SRPRA: variants seen among roughly 807,000 people sequenced by gnomAD.
SRPRA encodes the protein SRP receptor subunit alpha, also known as signal recognition particle receptor subunit alpha.
A neutral mutation model predicts 61.1 loss-of-function variants in SRPRA; 30 were observed. The ratio of observed to expected loss-of-function variants is 0.49; its 90% confidence interval spans 0.37 to 0.67. The LOEUF (loss-of-function observed/expected upper bound fraction) is 0.67. Ranked by LOEUF, SRPRA falls within the 30% of genes least tolerant of loss-of-function variation. SRPRA has a pLI of 0.00. For missense variants in SRPRA, 759 were observed against 828.4 expected, an observed-to-expected ratio of 0.92 and a Z score of 1.03; for synonymous variants, 324 against 299.7, an observed-to-expected ratio of 1.08 and a Z score of -0.84.
At chr11:126,262,470 G>A (rs1213852949), downstream of SRPRA, 4 of 342,070 alleles carry the variant, frequency 1.2e-5, no homozygotes, top group South Asian at 7.1e-5. Context: ...TGAAGGACTC[G>A]GGGTCTGGAT....
At chr11:126,237,905 G>T in the SRPRA span, among the ~76,000 whole-genome samples, 1 of 149,226 alleles carries the variant, frequency 6.7e-6, no homozygotes. Context: ...GGATATCATT[G>T]TTTTCTTTTA....
chr11:126,256,603 C>A, the SRPRA span: 4 of 1,613,864 alleles, frequency 2.5e-6, no homozygotes, highest in African/African-American at 1.3e-5. The surrounding 1 kb of genome is among the most constrained non-coding windows in gnomAD (Gnocchi z 6.6). Context: ...CAAGTCATTT[C>A]TTTTCCTGGG....
At chr11:126,256,310 C>G in the SRPRA span, among the ~76,000 whole-genome samples, 5 of 152,304 alleles carry the variant, frequency 3.3e-5, no homozygotes, top group East Asian at 9.6e-4. This position sits in a 1 kb window ranked among gnomAD's most constrained non-coding sequence, Gnocchi z 6.6. Flanking sequence ...AACTACTGCA[C>G]CAGTACACTG....
At chr11:126,246,173 T>C in the SRPRA span, among the ~76,000 whole-genome samples, 1 of 152,140 alleles carries the variant, frequency 6.6e-6, no homozygotes, top group Non-Finnish European at 1.5e-5. Context: ...ACATTAATAT[T>C]TTTTAGGTGA....
intron 6 of SRPRA, 24 bp downstream of exon 6, chr11:126,266,452 A>C: frequency 6.2e-7 from 1 of 1,607,828 alleles, no homozygotes; most frequent in East Asian, 2.2e-5. Context: ...GTTAAAGATC[A>C]CTTTGACCCC....
the SRPRA span, chr11:126,240,813 A>C: frequency 6.2e-7 from 1 of 1,606,202 alleles, no homozygotes; most frequent in Non-Finnish European, 8.5e-7. Flanking sequence ...CAAGCTTAAA[A>C]ACTAAGAAGC....
chr11:126,256,159 G>C, the SRPRA span, among the ~76,000 whole-genome samples: 1 of 152,138 alleles, frequency 6.6e-6, no homozygotes, highest in Non-Finnish European at 1.5e-5. This position sits in a 1 kb window ranked among gnomAD's most constrained non-coding sequence, Gnocchi z 6.6. Flanking sequence ...TAATATACTC[G>C]GGAGGCTGAG....
At chr11:126,258,954 C>G (rs891358194), downstream of SRPRA, among the ~76,000 whole-genome samples, 1 of 152,152 alleles carries the variant, frequency 6.6e-6, no homozygotes, top group East Asian at 1.9e-4. Context: ...GGCACAAATT[C>G]TTTTATTAGC....
the SRPRA span, chr11:126,240,693 T>C: frequency 7.0e-6 from 9 of 1,290,504 alleles, no homozygotes; most frequent in East Asian, 2.3e-5. Context: ...TTTGCAACTA[T>C]AAAAGTTAGC....
Position 126,267,631 on chromosome 11 carries a change from G to C in SRPRA, c.283C>G (p.Arg95Gly), listed in dbSNP as rs371309255. Residue 95 changes from arginine to glycine, a missense_variant, in exon 3 of 14, where the codon CGC becomes GGC. Arg to Gly is a moderately radical substitution (Grantham distance 125). Transcript: ENST00000332118. The surrounding 1 kb of genome is among the most constrained non-coding windows in gnomAD (Gnocchi z 4.2). ...DVHRLFRDKY[R>G]TEIQQQSALS... ...GCACTTTGCTGTTGGATCTCTGTGC[G>C]GTACTTGTCCCGAAACAGCCGATGC... is the stretch of plus-strand genomic sequence containing the variant. 6 of 1,614,134 alleles carry C rather than the reference G, an allele frequency of 3.7e-6. No homozygotes were observed. The highest frequency in any genetic ancestry group is 5.1e-6 in the Non-Finnish European group (6 of 1,180,048).
chr11:126,262,269 AAG>A, downstream of SRPRA: 1 of 857,846 alleles, frequency 1.2e-6, no homozygotes, highest in Non-Finnish European at 1.9e-6. Flanking sequence ...GGCGGGGTAG[AAG>A]AGGGGGGAAT....
chr11:126,266,150 A>T, intron 7 of SRPRA, 37 bp downstream of exon 7: 1 of 1,613,074 alleles, frequency 6.2e-7, no homozygotes, highest in Non-Finnish European at 8.5e-7. Context: ...CCAGTTTTGC[A>T]GATGCATATA....
At chr11:126,256,853 G>A in the SRPRA span, 3 of 1,604,902 alleles carry the variant, frequency 1.9e-6, no homozygotes, top group Non-Finnish European at 2.6e-6. The surrounding 1 kb of genome is among the most constrained non-coding windows in gnomAD (Gnocchi z 6.6). Context: ...GGTACATCAG[G>A]TAAGATGCAT....
At chr11:126,241,805 C>T in the SRPRA span, among the ~76,000 whole-genome samples, 1 of 152,114 alleles carries the variant, frequency 6.6e-6, no homozygotes, top group African/African-American at 2.4e-5. Flanking sequence ...CCACCTCAGC[C>T]TCACAAAGTG....
In SRPRA at chr11:126,265,017, C is replaced by T; in HGVS notation, c.1467G>A (p.Leu489=). 1 of 1,614,186 alleles carries T rather than the reference C, an allele frequency of 6.2e-7. No individual in the cohort carries two copies. Among genetic ancestry groups the T allele is most frequent in the Non-Finnish European group, 8.5e-7 (1 of 1,180,034 alleles). ...EKHGGRTMVQ[L]FEKGYGKDAA... ...CATCCTTGCCATAGCCCTTTTCAAA[C>T]AACTGCACCATGGTGCGGCCACCAT... Residue 489 remains leucine (L), a synonymous_variant, in exon 11 of 14, where the codon TTG becomes TTA. Coordinates refer to ENST00000332118, the MANE Select transcript of SRPRA (RefSeq NM_003139.4). This position sits in a 1 kb window ranked among gnomAD's most constrained non-coding sequence, Gnocchi z 6.3.
the SRPRA span, among the ~76,000 whole-genome samples, chr11:126,255,643 C>T: frequency 6.6e-6 from 1 of 152,156 alleles, no homozygotes; most frequent in African/African-American, 2.4e-5. The surrounding 1 kb of genome is among the most constrained non-coding windows in gnomAD (Gnocchi z 4.6). Context: ...TATATGAAGA[C>T]CTACTCTTTG....
At chr11:126,256,716 C>T in the SRPRA span, 9 of 1,614,030 alleles carry the variant, frequency 5.6e-6, no homozygotes, top group South Asian at 3.3e-5. The surrounding 1 kb of genome is among the most constrained non-coding windows in gnomAD (Gnocchi z 6.6). Flanking sequence ...GGAGAGGAGA[C>T]GTAGATGAGT....
intron 1 of SRPRA, among the ~76,000 whole-genome samples, chr11:126,268,349 C>T (rs1254200686): frequency 6.6e-6 from 1 of 152,184 alleles, no homozygotes; most frequent in Admixed American, 6.5e-5. Context: ...TTACTAGCAG[C>T]TATACACCAT....
Position 126,267,118 on chromosome 11 carries a change from C to A in SRPRA, c.526+57G>T, listed in dbSNP as rs555469525. ...GACAAAAGGAAGGACCACCTCAGTCCTTAGCACCGTGTTAACACCTTTCAT... is the reference window on the plus strand; with the variant it reads ...GACAAAAGGAAGGACCACCTCAGTCATTAGCACCGTGTTAACACCTTTCAT... On this transcript the variant is annotated intron_variant, in intron 4 of 13. Coordinates refer to ENST00000332118, the MANE Select transcript of SRPRA (RefSeq NM_003139.4). This position sits in a 1 kb window ranked among gnomAD's most constrained non-coding sequence, Gnocchi z 4.2. 8 of 1,606,392 alleles carry A rather than the reference C, an allele frequency of 5.0e-6. No homozygotes were observed. Among genetic ancestry groups the A allele is most frequent in the Non-Finnish European group, 2.6e-6 (3 of 1,176,210 alleles).
Sources: allele counts gnomAD v4.1 joint callset (sites outside exome capture counted in the v4.1 genomes callset), GRCh38; gene constraint gnomAD v4.1.1; non-coding constraint Gnocchi (gnomAD v3.1); transcripts MANE v1.5; gene names NCBI Gene and HGNC (gene_info 2026-07-23, HGNC 2026-07-21).